Variants in CFAP299 observed in about 807,000 individuals in gnomAD.
CFAP299 encodes cilia- and flagella-associated protein 299.
CFAP299 carries 21 observed loss-of-function variants against 27.0 expected under a neutral mutation model. The observed-to-expected ratio is 0.78, with a 90% CI of 0.55 to 1.12. The LOEUF is 1.12. Ranked by LOEUF, CFAP299 falls within the 50% of genes most tolerant of loss-of-function variation. CFAP299 has a pLI of 0.00. For synonymous variants in CFAP299, 104 were observed against 98.1 expected (o/e 1.06, Z -0.36); for missense variants, 310 against 276.6 (o/e 1.12, Z -0.86).
At chr4:80,325,131 C>T in the CFAP299 span, among the ~76,000 whole-genome samples, 1 of 152,118 alleles carries the variant, frequency 6.6e-6, no homozygotes, top group Non-Finnish European at 1.5e-5. Flanking sequence ...TCAAAACAAA[C>T]AAATAATCAG....
chr4:80,608,475 T>A (rs1737793126), intron 3 of CFAP299: 1 of 677,014 alleles, frequency 1.5e-6, no homozygotes, highest in African/African-American at 1.8e-5. Context: ...GGGCTATTGC[T>A]ACTGTTTTCC....
intron 4 of CFAP299, among the ~76,000 whole-genome samples, chr4:80,885,165 T>C (rs560731671): frequency 4.0e-4 from 61 of 152,282 alleles, no homozygotes; most frequent in Middle Eastern, 3.4e-3. Flanking sequence ...AGGGAGTATT[T>C]GGACCAGCCC....
chr4:80,813,183 A>G (rs531170508), intron 3 of CFAP299, among the ~76,000 whole-genome samples: 1 of 152,198 alleles, frequency 6.6e-6, no homozygotes, highest in Admixed American at 6.6e-5. Flanking sequence ...GTAAACATCT[A>G]TATACTTAAT....
chr4:80,792,584 G>T (rs1727634310), intron 3 of CFAP299, among the ~76,000 whole-genome samples: 1 of 152,070 alleles, frequency 6.6e-6, no homozygotes, highest in Non-Finnish European at 1.5e-5. Flanking sequence ...TTTTATAGTG[G>T]TTGTGGGTTT....
At chr4:80,894,682 C>T (rs10002749) in intron 4 of CFAP299, among the ~76,000 whole-genome samples, 17,377 of 151,856 alleles carry the variant, frequency 0.11, 2,159 homozygotes, top group African/African-American at 0.31. Flanking sequence ...AACAATTCGA[C>T]TTCTGCATAT....
intron 3 of CFAP299, among the ~76,000 whole-genome samples, chr4:80,817,318 GATAA>G (rs1289826070): frequency 4.0e-5 from 6 of 151,642 alleles, no homozygotes; most frequent in African/African-American, 1.2e-4. Flanking sequence ...TATGAAAACC[GATAA>G]ATAAATACTA....
At chr4:80,953,202 G>A (rs901579893) in intron 5 of CFAP299, among the ~76,000 whole-genome samples, 4 of 152,096 alleles carry the variant, frequency 2.6e-5, no homozygotes, top group Non-Finnish European at 4.4e-5. Context: ...AGTGGGGCAG[G>A]GGATATCTAC....
rs1727966713 is a variant in CFAP299, at chr4:80,797,940, CT to C, written c.334-72047del. On this transcript the variant is annotated intron_variant, in intron 3 of 5. Transcript: ENST00000358105. ...AACCAAGCAAGTAAACTATTAGAAC[CT>C]TTTTTAACTGCTTGAGCTGCAACAT... is the stretch of plus-strand genomic sequence containing the variant. Among the ~76,000 whole-genome samples the C allele has an allele frequency of 2.6e-5, 4 of 152,046 alleles. 1 individual carries two copies. Among genetic ancestry groups the C allele is most frequent in the Admixed American group, 2.0e-4 (3 of 15,234 alleles).
At position 80,904,330 on chromosome 4, in the gene CFAP299, A is replaced by C. The variant is rs183610621; in HGVS notation, c.476+34195A>C. Among the ~76,000 whole-genome samples, 371 of 152,262 alleles carry C rather than the reference A, an allele frequency of 2.4e-3. 1 individual carries two copies. Among genetic ancestry groups the C allele is most frequent in the Middle Eastern group, 6.8e-3 (2 of 294 alleles). The stretch of plus-strand genomic sequence containing the variant: ...AACTCTTCTTAGAAACTGGGAGTGC[A>C]TATGAGCAAGTCAATGCGTGAGGCT... On this transcript the variant is annotated intron_variant, in intron 4 of 5. Coordinates refer to ENST00000358105, the MANE Select transcript of CFAP299 (RefSeq NM_152770.3).
intron 3 of CFAP299, among the ~76,000 whole-genome samples, chr4:80,625,854 C>T (rs553229825): frequency 8.6e-5 from 13 of 151,960 alleles, no homozygotes; most frequent in Admixed American, 6.6e-4. Context: ...CAAATATATA[C>T]GTACCCAATA....
chr4:80,945,802 A>G (rs1416495251), intron 5 of CFAP299, among the ~76,000 whole-genome samples: 6 of 152,162 alleles, frequency 3.9e-5, no homozygotes, highest in Admixed American at 3.3e-4. Flanking sequence ...TTAGAAAACC[A>G]AAGTCAAAAA....
chr4:80,952,304 A>T (rs1737821406), intron 5 of CFAP299, among the ~76,000 whole-genome samples: 1 of 152,176 alleles, frequency 6.6e-6, no homozygotes, highest in African/African-American at 2.4e-5. Context: ...CTTAAAAAAA[A>T]TTGAGGTTAA....
At chr4:80,359,830 G>T (rs981635233) in intron 1 of CFAP299, among the ~76,000 whole-genome samples, 11 of 152,088 alleles carry the variant, frequency 7.2e-5, no homozygotes, top group Middle Eastern at 3.4e-3. Context: ...TGTCATTTCC[G>T]CCATCTCAGT....
At chr4:80,884,029 T>G (rs1396507568) in intron 4 of CFAP299, among the ~76,000 whole-genome samples, 1 of 152,160 alleles carries the variant, frequency 6.6e-6, no homozygotes, top group Non-Finnish European at 1.5e-5. Context: ...CCCTTCACCC[T>G]CCAGTATGCA....
At chr4:80,628,259 T>C (rs1739018098) in intron 3 of CFAP299, among the ~76,000 whole-genome samples, 1 of 152,070 alleles carries the variant, frequency 6.6e-6, no homozygotes, top group South Asian at 2.1e-4. Context: ...ATAAATGCTT[T>C]TGGGAAAACA....
chr4:80,335,170 A>T (rs985863632), upstream of CFAP299, among the ~76,000 whole-genome samples: 1 of 152,236 alleles, frequency 6.6e-6, no homozygotes, highest in African/African-American at 2.4e-5. Flanking sequence ...AAAATAGTAA[A>T]ATAAGTGCAA....
At chr4:80,377,821 G>A (rs1724492000) in intron 2 of CFAP299, among the ~76,000 whole-genome samples, 1 of 152,110 alleles carries the variant, frequency 6.6e-6, no homozygotes, top group Admixed American at 6.5e-5. Context: ...ACTTGAGACT[G>A]GGAAGAAAAA....
At chr4:80,892,234 G>A (rs1343550017) in intron 4 of CFAP299, among the ~76,000 whole-genome samples, 1 of 152,012 alleles carries the variant, frequency 6.6e-6, no homozygotes, top group African/African-American at 2.4e-5. Flanking sequence ...TTTCCACCGT[G>A]GTGCCAAAAA....
rs910289459 is a variant in CFAP299 at position 80,679,921 on chromosome 4, A to G, written c.333+96738A>G. Among the ~76,000 whole-genome samples, 6 of 152,114 alleles carry G rather than the reference A, an allele frequency of 3.9e-5. No individual in the cohort carries two copies. In the South Asian group the frequency reaches 8.3e-4, roughly 21 times the overall value. On this transcript the variant is annotated intron_variant, in intron 3 of 5. Coordinates refer to ENST00000358105, the MANE Select transcript of CFAP299 (RefSeq NM_152770.3). ...TTTTCATTCTCTTAACATATGTTTCATAGAGGAAAAGTTTTCAGTTTTGAT... is the reference window on the plus strand; with the variant it reads ...TTTTCATTCTCTTAACATATGTTTCGTAGAGGAAAAGTTTTCAGTTTTGAT...
Sources: gnomAD v4.1 joint callset for allele counts (sites outside exome capture counted in the v4.1 genomes callset) on GRCh38, gnomAD v4.1.1 for gene constraint, MANE v1.5 for transcripts, NCBI Gene and HGNC (gene_info 2026-07-23, HGNC 2026-07-21) for gene names.